Variants in LHFPL4 observed in about 807,000 individuals in gnomAD.
LHFPL4 encodes the protein LHFPL tetraspan subfamily member 4 protein.
A neutral mutation model predicts 20.0 loss-of-function variants in LHFPL4; 6 were observed. That is an observed-to-expected ratio of 0.30 (90% CI 0.16 to 0.59). The LOEUF (loss-of-function observed/expected upper bound fraction) is 0.59, where lower values mean the gene tolerates loss of function less well. LHFPL4 is among the 20% of genes least tolerant of loss of function. The pLI, the probability that LHFPL4 is intolerant of heterozygous loss-of-function variation, is 0.88. For missense variants in LHFPL4, 215 were observed against 331.2 expected (o/e 0.65, Z 2.72); for synonymous variants, 129 against 143.8 (o/e 0.90, Z 0.74).
intron 2 of LHFPL4, among the ~76,000 whole-genome samples, chr3:9,531,585 C>G (rs1357875810): frequency 6.6e-6 from 1 of 152,166 alleles, no homozygotes; most frequent in Non-Finnish European, 1.5e-5. Context: ...GGTGGATCAT[C>G]TGAAATAACA....
At position 9,506,295 on chromosome 3, in the gene LHFPL4, AT is replaced by A; in HGVS notation, c.407-93del. 9.9e-7 allele frequency: 1 copy of A among 1,013,752 alleles called. No individual in the cohort carries two copies. The highest frequency in any genetic ancestry group is 1.4e-5 in the South Asian group (1 of 72,124). 62.8% of individuals were successfully genotyped at this position (1,013,752 alleles called of 1,614,324 possible). A position where few individuals can be genotyped will look rare whatever the true frequency, so the allele number is the denominator to read the frequency against. On this transcript the variant is annotated intron_variant, in intron 2 of 3. Transcript: ENST00000287585. This position sits in a 1 kb window ranked among gnomAD's most constrained non-coding sequence, Gnocchi z 4.5. ...GTGTCCGCAGTCTGGGCCCCACCCT[AT>A]TGAGGGCACATCAACCCAACCACGT... is the stretch of plus-strand genomic sequence containing the variant.
intron 2 of LHFPL4, among the ~76,000 whole-genome samples, chr3:9,548,439 C>T (rs1238762403): frequency 6.6e-6 from 1 of 152,180 alleles, no homozygotes; most frequent in Non-Finnish European, 1.5e-5. Context: ...GTGGATGCCA[C>T]ACTCAAGCCA....
At position 9,500,469 on chromosome 3, in the gene LHFPL4, G is replaced by A. The variant is rs559060802; in HGVS notation, c.*1742C>T. On this transcript the variant is annotated 3_prime_UTR_variant, in exon 4 of 4. Transcript: ENST00000287585. Reference sequence around the variant, plus strand: ...AGTCGGGACTTGGTAAGTTCCAGGTGGCAGGAACCCACTAGGTCCCAACAT... The same window carrying A: ...AGTCGGGACTTGGTAAGTTCCAGGTAGCAGGAACCCACTAGGTCCCAACAT... 6.6e-6 allele frequency: 1 copy of A among 152,484 alleles called. No individual in the cohort carries two copies. The highest frequency in any genetic ancestry group is 1.5e-5 in the Non-Finnish European group (1 of 68,154). The allele number at this position is 152,484 out of a possible 1,614,324, so 9.4% of individuals were successfully genotyped here.
Position 9,506,612 on chromosome 3 carries a change from G to T in LHFPL4, c.407-409C>A, listed in dbSNP as rs1008063862. On this transcript the variant is annotated intron_variant, in intron 2 of 3. Transcript: ENST00000287585. The surrounding 1 kb of genome is among the most constrained non-coding windows in gnomAD (Gnocchi z 4.5). ...TTGTTGTTGTTTGAGACGGAGTCTC[G>T]CTCTGTTGCCCAGGGTGGAGTGCAA... Among the ~76,000 whole-genome samples, 4 of 152,066 alleles carry T rather than the reference G, an allele frequency of 2.6e-5. No homozygotes were observed. The highest frequency in any genetic ancestry group is 9.7e-5 in the African/African-American group (4 of 41,410).
intron 2 of LHFPL4, among the ~76,000 whole-genome samples, chr3:9,522,837 T>C (rs2046347149): frequency 1.3e-5 from 2 of 149,570 alleles, no homozygotes; most frequent in Admixed American, 1.3e-4. Context: ...GTCAGGAGAT[T>C]GAGACCATCC....
Position 9,501,972 on chromosome 3 carries a change from C to G in LHFPL4, c.*239G>C. 1.8e-6 allele frequency: 1 copy of G among 564,726 alleles called. No homozygotes were observed. The highest frequency in any genetic ancestry group is 3.2e-6 in the Non-Finnish European group (1 of 313,842). 35.0% of individuals were successfully genotyped at this position (564,726 alleles called of 1,614,324 possible). On this transcript the variant is annotated 3_prime_UTR_variant, in exon 4 of 4. Coordinates refer to ENST00000287585, the MANE Select transcript of LHFPL4 (RefSeq NM_198560.3). ...CCAAGGGCCTACGCAGATGCAGGCTCCCTTAGGTCAAATTGAGGGAGGAGC... is the reference window on the plus strand; with the variant it reads ...CCAAGGGCCTACGCAGATGCAGGCTGCCTTAGGTCAAATTGAGGGAGGAGC...
chr3:9,519,231 A>G (rs1363603797), intron 2 of LHFPL4, among the ~76,000 whole-genome samples: 10 of 150,984 alleles, frequency 6.6e-5, no homozygotes, highest in African/African-American at 2.0e-4. Context: ...GAGCCACCGC[A>G]CCCAACCTAA....
intron 2 of LHFPL4, among the ~76,000 whole-genome samples, chr3:9,511,934 GTTTT>G (rs59301468): frequency 1.4e-5 from 2 of 142,186 alleles, no homozygotes. Context: ...CATGGCGACT[GTTTT>G]TTTTTTTTTT....
intron 2 of LHFPL4, among the ~76,000 whole-genome samples, chr3:9,551,603 A>G (rs2125669285): frequency 6.6e-6 from 1 of 152,262 alleles, no homozygotes; most frequent in Non-Finnish European, 1.5e-5. Flanking sequence ...ATGGCACCAG[A>G]ACTTTCTTGC....
intron 2 of LHFPL4, among the ~76,000 whole-genome samples, chr3:9,524,815 T>C (rs2046362826): frequency 6.6e-6 from 1 of 152,210 alleles, no homozygotes; most frequent in South Asian, 2.1e-4. Flanking sequence ...TGTAATTTTT[T>C]TCTTGATAGC....
intron 2 of LHFPL4, among the ~76,000 whole-genome samples, chr3:9,547,732 T>C (rs2046524669): frequency 6.6e-6 from 1 of 152,238 alleles, no homozygotes; most frequent in African/African-American, 2.4e-5. Context: ...AAAAACATGC[T>C]GTTGCTATCC....
rs2046564218 is a variant in LHFPL4, at chr3:9,552,711, G to A, written c.-32C>T. On this transcript the variant is annotated 5_prime_UTR_variant, in exon 2 of 4. Coordinates refer to ENST00000287585, the MANE Select transcript of LHFPL4 (RefSeq NM_198560.3). The stretch of plus-strand genomic sequence containing the variant: ...CGGAGGCGGGGCCGGCGGCGGCGGC[G>A]GCTGGCGGGGGCCGCCGGCCCGGGA... The A allele has an allele frequency of 1.6e-6, 2 of 1,240,882 alleles. No homozygotes were observed. The highest frequency in any genetic ancestry group is 3.5e-5 in the South Asian group (1 of 28,670). 76.9% of individuals were successfully genotyped at this position (1,240,882 alleles called of 1,614,324 possible).
rs1420989238 is a variant in LHFPL4 at position 9,536,293 on chromosome 3, AG to A, written c.406+15980del. 2.0e-5 allele frequency among the ~76,000 whole-genome samples: 3 copies of A among 152,184 alleles called. No homozygotes were observed. In the East Asian group the frequency reaches 5.8e-4, roughly 29 times the overall value. The stretch of plus-strand genomic sequence containing the variant: ...ATCCAGGGCAGGGGCTTATCTTACA[AG>A]GGAGACTGAGCTTCTCCTTTTAAAA... On this transcript the variant is annotated intron_variant, in intron 2 of 3. Transcript: ENST00000287585.
Position 9,552,718 on chromosome 3 carries a change from G to C in LHFPL4, c.-39C>G, listed in dbSNP as rs764090006. 2.5e-6 allele frequency: 3 copies of C among 1,202,496 alleles called. No individual in the cohort carries two copies. The highest frequency in any genetic ancestry group is 3.1e-6 in the Non-Finnish European group (3 of 960,762). The allele number at this position is 1,202,496 out of a possible 1,614,324, so 74.5% of individuals were successfully genotyped here. A position where few individuals can be genotyped will look rare whatever the true frequency, so the allele number is the denominator to read the frequency against. ...GGGGCCGGCGGCGGCGGCGGCTGGC[G>C]GGGGCCGCCGGCCCGGGACGGAGCG... On this transcript the variant is annotated 5_prime_UTR_variant, in exon 2 of 4. Coordinates refer to ENST00000287585, the MANE Select transcript of LHFPL4 (RefSeq NM_198560.3).
chr3:9,513,648 G>A (rs545855723), intron 2 of LHFPL4, among the ~76,000 whole-genome samples: 1 of 152,320 alleles, frequency 6.6e-6, no homozygotes, highest in South Asian at 2.1e-4. Context: ...TCATTAAACT[G>A]CAATTATTTT....
At chr3:9,507,584 G>A (rs976908844) in intron 2 of LHFPL4, among the ~76,000 whole-genome samples, 5 of 152,232 alleles carry the variant, frequency 3.3e-5, no homozygotes, top group African/African-American at 9.6e-5. Flanking sequence ...CGGAGAGTTG[G>A]TTTCAGGTGA....
Position 9,541,640 on chromosome 3 carries a change from C to T in LHFPL4, c.406+10634G>A, listed in dbSNP as rs147926995. Among the ~76,000 whole-genome samples the T allele has an allele frequency of 8.6e-5, 13 of 152,034 alleles. No homozygotes were observed. The East Asian group carries it at 9.8e-4, about 11-fold the overall frequency. On this transcript the variant is annotated intron_variant, in intron 2 of 3. Transcript: ENST00000287585. ...TGCAGAAATTAGCCAAGTGTGGTGGCGTGTGCCTGTAATCCCATCTAATAG... is the reference window on the plus strand; with the variant it reads ...TGCAGAAATTAGCCAAGTGTGGTGGTGTGTGCCTGTAATCCCATCTAATAG...
chr3:9,544,080 AT>A (rs2046496131), intron 2 of LHFPL4, among the ~76,000 whole-genome samples: 2 of 151,752 alleles, frequency 1.3e-5, no homozygotes, highest in African/African-American at 4.8e-5. Flanking sequence ...TAAAAACACC[AT>A]TTGCATTTGC....
chr3:9,537,442 T>C (rs1196105665), intron 2 of LHFPL4, among the ~76,000 whole-genome samples: 4 of 152,110 alleles, frequency 2.6e-5, no homozygotes, highest in Middle Eastern at 3.2e-3. Flanking sequence ...CTTTGTGCAG[T>C]AATTATTTGG....
Sources: allele counts gnomAD v4.1 joint callset (sites outside exome capture counted in the v4.1 genomes callset), GRCh38; gene constraint gnomAD v4.1.1; non-coding constraint Gnocchi (gnomAD v3.1); transcripts MANE v1.5; gene names NCBI Gene and HGNC (gene_info 2026-07-23, HGNC 2026-07-21).